The following LITAFD variants were observed in gnomAD, a reference collection of about 807,000 sequenced individuals.
LITAFD encodes the protein lITAF domain-containing protein.
Position 8,884,483 on chromosome 16 carries a change from C to T in LITAFD, c.110+18C>T, listed in dbSNP as rs1383539611. 7 of 393,118 alleles carry T rather than the reference C, an allele frequency of 1.8e-5. No homozygotes were observed. Among genetic ancestry groups the T allele is most frequent in the East Asian group, 3.6e-5 (1 of 27,710 alleles). The allele number at this position is 393,118 out of a possible 1,614,324, so 24.4% of individuals were successfully genotyped here. A position where few individuals can be genotyped will look rare whatever the true frequency, so the allele number is the denominator to read the frequency against. On this transcript the variant is annotated intron_variant, in intron 3 of 3. Coordinates refer to ENST00000636296, the Ensembl canonical transcript of LITAFD. ...CTGTTCGGGTGAGTGGCCGCCCCTC[C>T]GCCGCTGCAGAGGCCTGAGCATTGG...
intron 2 of LITAFD, among the ~76,000 whole-genome samples, chr16:8,883,526 G>A (rs538376811): frequency 6.6e-6 from 1 of 152,210 alleles, no homozygotes; most frequent in South Asian, 2.1e-4. Flanking sequence ...GGAAATCACT[G>A]GTGGATGGGG....
chr16:8,884,030 A>G (rs2061553575), intron 2 of LITAFD, among the ~76,000 whole-genome samples: 1 of 152,152 alleles, frequency 6.6e-6, no homozygotes, highest in South Asian at 2.1e-4. Flanking sequence ...GCACCACTGC[A>G]CTCCAGCCTG....
At chr16:8,884,542 G>A in intron 3 of LITAFD, 77 bp downstream of exon 3, 1 of 398,254 alleles carries the variant, frequency 2.5e-6, no homozygotes, top group Non-Finnish European at 4.4e-6. Context: ...CTGCAGGGTA[G>A]GGGGAGCTTT....
At chr16:8,884,847 G>A (rs565903045) in intron 3 of LITAFD, among the ~76,000 whole-genome samples, 58 of 152,302 alleles carry the variant, frequency 3.8e-4, no homozygotes, top group African/African-American at 1.2e-3. Context: ...CACTTTGGGA[G>A]GCCGAGGTGG....
chr16:8,883,898 C>G (rs1469833504), intron 2 of LITAFD, among the ~76,000 whole-genome samples: 1 of 152,134 alleles, frequency 6.6e-6, no homozygotes, highest in Non-Finnish European at 1.5e-5. Flanking sequence ...AACCCCATCT[C>G]TACTAAAAAT....
chr16:8,885,234 T>C (rs2061560695), exon 4 of LITAFD: 1 of 398,442 alleles, frequency 2.5e-6, no homozygotes, highest in African/African-American at 2.1e-5. Flanking sequence ...AGGAGCCTAA[T>C]GGACGTGAAG....
chr16:8,884,114 C>T (rs1438204415), intron 2 of LITAFD, among the ~76,000 whole-genome samples: 1 of 152,102 alleles, frequency 6.6e-6, no homozygotes. Flanking sequence ...CACTGGAAAC[C>T]CCACTTCCAG....
rs112114242 is a variant in LITAFD, at chr16:8,883,758, C to T, written c.-34+472C>T. On this transcript the variant is annotated intron_variant, in intron 2 of 3. Transcript: ENST00000636296. ...TTCCTGGAGGGCACAGTGAAGATGA[C>T]GTCACCATTGAAAAGCACCCTTTAG... Among the ~76,000 whole-genome samples, 387 of 152,250 alleles carry T rather than the reference C, an allele frequency of 2.5e-3. 2 individuals are homozygous for T. The highest frequency in any genetic ancestry group is 7.8e-3 in the African/African-American group (325 of 41,562).
chr16:8,883,823 G>A (rs986739539), intron 2 of LITAFD, among the ~76,000 whole-genome samples: 1 of 152,202 alleles, frequency 6.6e-6, no homozygotes, highest in African/African-American at 2.4e-5. Flanking sequence ...CCAGAACTTT[G>A]GGAGGCCAAG....
intron 2 of LITAFD, 72 bp from the exon 3 acceptor site, chr16:8,884,251 A>G: frequency 2.5e-6 from 1 of 397,390 alleles, no homozygotes; most frequent in East Asian, 3.6e-5. Flanking sequence ...CCGACAGCCC[A>G]TGGGAATTGA....
intron 1 of LITAFD, chr16:8,882,875 T>A (rs1445452405): frequency 1.3e-5 from 2 of 152,272 alleles, no homozygotes; most frequent in Non-Finnish European, 2.9e-5. Flanking sequence ...GCCCTGGGGC[T>A]GCCTGGCCAT....
chr16:8,884,434 T>C lies in LITAFD; in HGVS notation c.79T>C (p.Trp27Arg), dbSNP rs553875221. ...GACCTTTGTCCCGGGTGCCCTCACC[T>C]GGCTGCTGTGTACCACCCTCTTCCT... Residue 27 changes from tryptophan to arginine, a missense_variant, in exon 3 of 4, where the codon TGG becomes CGG. By Grantham distance (101) the Trp-to-Arg change is moderately radical. Transcript: ENST00000636296. 3.9e-4 allele frequency: 112 copies of C among 286,612 alleles called. 1 individual carries two copies. Among genetic ancestry groups the C allele is most frequent in the East Asian group, 7.2e-4 (13 of 17,950 alleles). The allele number at this position is 286,612 out of a possible 1,614,324, so 17.8% of individuals were successfully genotyped here. A position where few individuals can be genotyped will look rare whatever the true frequency, so the allele number is the denominator to read the frequency against.
At chr16:8,883,044 CAG>C (rs2061548856) in intron 1 of LITAFD, among the ~76,000 whole-genome samples, 164 bp from the exon 2 acceptor site, 1 of 152,114 alleles carries the variant, frequency 6.6e-6, no homozygotes, top group Admixed American at 6.5e-5. Flanking sequence ...CCATGTTGGC[CAG>C]ACTGGTCTCG....
At chr16:8,883,571 G>T (rs1353064437) in intron 2 of LITAFD, among the ~76,000 whole-genome samples, 2 of 151,922 alleles carry the variant, frequency 1.3e-5, no homozygotes, top group Non-Finnish European at 2.9e-5. Context: ...AATTTTTATG[G>T]AGTAGACTCC....
At chr16:8,884,250 C>T (rs1195475217) in intron 2 of LITAFD, 73 bp from the exon 3 acceptor site, 1 of 397,562 alleles carries the variant, frequency 2.5e-6, no homozygotes, top group African/African-American at 2.1e-5. Context: ...ACCGACAGCC[C>T]ATGGGAATTG....
At chr16:8,884,929 A>G (rs768963926) in intron 3 of LITAFD, among the ~76,000 whole-genome samples, 11 of 152,146 alleles carry the variant, frequency 7.2e-5, no homozygotes, top group African/African-American at 2.7e-4. Context: ...TAACTCTATT[A>G]AAAATACAAA....
chr16:8,883,593 C>T (rs1455612710), intron 2 of LITAFD, among the ~76,000 whole-genome samples: 3 of 151,994 alleles, frequency 2.0e-5, no homozygotes, highest in African/African-American at 7.2e-5. Flanking sequence ...GTTCTCTACT[C>T]TGCAAACACA....
chr16:8,884,570 C>T, intron 3 of LITAFD, 105 bp downstream of exon 3: 2 of 397,884 alleles, frequency 5.0e-6, no homozygotes, highest in East Asian at 3.6e-5. Flanking sequence ...AATAGCAGGA[C>T]CAAGCATAGG....
intron 2 of LITAFD, 38 bp from the exon 3 acceptor site, chr16:8,884,285 G>A (rs533546219): frequency 3.5e-5 from 14 of 396,874 alleles, no homozygotes; most frequent in South Asian, 1.3e-4. Context: ...TCCTGGCCCC[G>A]GGGGGTCCCA....
Sources: allele counts gnomAD v4.1 joint callset (sites outside exome capture counted in the v4.1 genomes callset), GRCh38; gene constraint gnomAD v4.1.1; transcripts MANE v1.5; gene names NCBI Gene and HGNC (gene_info 2026-07-23, HGNC 2026-07-21).